Variants in ZNF254 observed in about 807,000 individuals in gnomAD.
ZNF254 encodes zinc finger protein 254.
Under a neutral mutation model 12.4 loss-of-function variants are expected in ZNF254, and 10 were observed. The observed-to-expected ratio is 0.80, with a 90% CI of 0.50 to 1.36. The LOEUF is 1.36. ZNF254 is among the 40% of genes most tolerant of loss of function. ZNF254 has a pLI of 0.00. For synonymous variants in ZNF254, 305 were observed against 253.4 expected, an observed-to-expected ratio of 1.20 and a Z score of -1.93; for missense variants, 996 against 763.9, an observed-to-expected ratio of 1.30 and a Z score of -3.58.
intron 2 of ZNF254, among the ~76,000 whole-genome samples, chr19:24,058,449 T>C (rs1318586117): frequency 1.3e-5 from 2 of 151,718 alleles, no homozygotes; most frequent in African/African-American, 2.4e-5. Flanking sequence ...TCGCTCTTGT[T>C]ACCCAGGCTG....
intron 1 of ZNF254, among the ~76,000 whole-genome samples, chr19:24,093,354 T>C (rs911335227): frequency 1.3e-5 from 2 of 152,194 alleles, no homozygotes; most frequent in Non-Finnish European, 1.5e-5. Context: ...TCTTCAATTA[T>C]GAATTCTCTG....
chr19:24,120,412 C>T (rs1002435835), intron 3 of ZNF254, among the ~76,000 whole-genome samples: 1 of 151,738 alleles, frequency 6.6e-6, no homozygotes, highest in Non-Finnish European at 1.5e-5. Flanking sequence ...AAAATTATAC[C>T]TCTGTATTTT....
At chr19:24,120,736 C>T (rs1208022479) in intron 3 of ZNF254, among the ~76,000 whole-genome samples, 1 of 151,988 alleles carries the variant, frequency 6.6e-6, no homozygotes, top group Non-Finnish European at 1.5e-5. Context: ...AATCTCAGCT[C>T]CCTGCAAGCT....
chr19:24,106,982 CTG>C (rs1205934758), intron 3 of ZNF254: 25 of 439,778 alleles, frequency 5.7e-5, no homozygotes, highest in Non-Finnish European at 9.5e-5. Context: ...GTATGTTAAA[CTG>C]TTTTTTAAGT....
intron 3 of ZNF254, among the ~76,000 whole-genome samples, chr19:24,110,790 T>C (rs1162155183): frequency 1.3e-5 from 2 of 152,142 alleles, no homozygotes; most frequent in Non-Finnish European, 2.9e-5. Flanking sequence ...ACATCCATCA[T>C]TTCATTACTG....
intron 3 of ZNF254, 181 bp downstream of exon 3, chr19:24,106,824 A>G (rs978736039): frequency 2.3e-6 from 1 of 441,262 alleles, no homozygotes. Context: ...TATAAAATCT[A>G]AGAATTCTAC....
upstream of ZNF254, among the ~76,000 whole-genome samples, chr19:24,084,624 T>C (rs935414380): frequency 3.3e-5 from 5 of 151,940 alleles, no homozygotes; most frequent in Non-Finnish European, 7.4e-5. Flanking sequence ...CTTTGGCTGT[T>C]TTTGGTTTAT....
chr19:24,113,160 A>G (rs1024588180), intron 3 of ZNF254, among the ~76,000 whole-genome samples: 2 of 152,232 alleles, frequency 1.3e-5, no homozygotes, highest in Non-Finnish European at 2.9e-5. Flanking sequence ...AAAAAGAGGG[A>G]ATCCTCCCTA....
At chr19:24,117,359 T>A (rs1406849474) in intron 3 of ZNF254, among the ~76,000 whole-genome samples, 5 of 152,142 alleles carry the variant, frequency 3.3e-5, no homozygotes, top group Non-Finnish European at 7.4e-5. Context: ...AGTTTGAGCT[T>A]CCCGGCTGCT....
upstream of ZNF254, among the ~76,000 whole-genome samples, chr19:24,082,817 A>G (rs557799648): frequency 1.3e-5 from 2 of 151,730 alleles, no homozygotes; most frequent in Admixed American, 1.3e-4. Flanking sequence ...CAATCTCTTC[A>G]ATTTTTTTTT....
intron 1 of ZNF254, among the ~76,000 whole-genome samples, chr19:24,036,274 G>A (rs1464152434): frequency 1.3e-5 from 2 of 151,816 alleles, no homozygotes; most frequent in Admixed American, 1.3e-4. Context: ...TTTCACCGTG[G>A]TCTTGATCTC....
rs746690657 is a variant in ZNF254, at chr19:24,081,622, C to CA, written c.-93-24315dup. On this transcript the variant is annotated intron_variant, in intron 2 of 4. Coordinates refer to the ZNF254 transcript ENST00000613065. ...TGTGAACTATATGCCTGGAACAACC[C>CA]AAATGACCAATGTTTACCTCCTCCT... Among the ~76,000 whole-genome samples the CA allele has an allele frequency of 9.5e-4, 144 of 152,148 alleles. 1 individual carries two copies. The highest frequency in any genetic ancestry group is 3.4e-3 in the African/African-American group (140 of 41,496).
chr19:24,050,369 A>T (rs1970599862), intron 2 of ZNF254, among the ~76,000 whole-genome samples: 1 of 152,148 alleles, frequency 6.6e-6, no homozygotes, highest in South Asian at 2.1e-4. Flanking sequence ...CCTGTTGGCC[A>T]GGCCGATATC....
At chr19:24,095,374 G>T (rs543847269) in intron 1 of ZNF254, among the ~76,000 whole-genome samples, 1 of 152,104 alleles carries the variant, frequency 6.6e-6, no homozygotes, top group African/African-American at 2.4e-5. Context: ...GCCAGGTTTT[G>T]GTATCAGAAT....
rs1599723817 is a variant in ZNF254 at position 24,106,986 on chromosome 19, T to G, written c.253+343T>G. On this transcript the variant is annotated intron_variant, in intron 3 of 3. Coordinates refer to ENST00000357002, the MANE Select transcript of ZNF254 (RefSeq NM_203282.4). ...TTTGAGATACTGTATGTTAAACTGT[T>G]TTTTAAGTTCTCTTTTTGCATCATG... 2.3e-5 allele frequency: 10 copies of G among 443,666 alleles called. No homozygotes were observed. The East Asian group carries it at 3.6e-4, about 16-fold the overall frequency. 27.5% of individuals were successfully genotyped at this position (443,666 alleles called of 1,614,324 possible).
chr19:24,040,764 TTAC>T lies in ZNF254; in HGVS notation c.-189-5416_-189-5414del, dbSNP rs371058408. The stretch of plus-strand genomic sequence containing the variant: ...TGTTGTTCAAATGCAGATGTAGACA[TTAC>T]TACATTCTCCAGCCTCTGTAAACTT... On this transcript the variant is annotated intron_variant, in intron 1 of 4. Coordinates refer to the ZNF254 transcript ENST00000613065. 3.0e-3 allele frequency among the ~76,000 whole-genome samples: 452 copies of T among 152,342 alleles called. 2 individuals are homozygous for T. The highest frequency in any genetic ancestry group is 5.0e-3 in the Non-Finnish European group (340 of 68,040).
upstream of ZNF254, among the ~76,000 whole-genome samples, chr19:24,082,661 A>C (rs535671716): frequency 1.2e-3 from 172 of 144,972 alleles, 1 homozygote; most frequent in African/African-American, 3.9e-3. Flanking sequence ...AAAAAACAAA[A>C]AAAAAAAACC....
intron 1 of ZNF254, among the ~76,000 whole-genome samples, chr19:24,098,271 G>A (rs953867190): frequency 1.3e-5 from 2 of 152,140 alleles, no homozygotes; most frequent in African/African-American, 4.8e-5. Flanking sequence ...CATAATGTTA[G>A]TGTCTTTCAT....
chr19:24,097,024 AC>A (rs1196505022), intron 1 of ZNF254, among the ~76,000 whole-genome samples: 1 of 152,230 alleles, frequency 6.6e-6, no homozygotes, highest in Non-Finnish European at 1.5e-5. Context: ...AAAATATCTT[AC>A]TAAAATCTCT....
Sources: gnomAD v4.1 joint callset for allele counts (sites outside exome capture counted in the v4.1 genomes callset) on GRCh38, gnomAD v4.1.1 for gene constraint, MANE v1.5 for transcripts, NCBI Gene and HGNC (gene_info 2026-07-23, HGNC 2026-07-21) for gene names.